The following SEMA6A variants were observed in gnomAD, a reference collection of about 807,000 sequenced individuals.
The protein encoded by SEMA6A is semaphorin-6A.
SEMA6A carries 25 observed loss-of-function variants against 96.8 expected under a neutral mutation model. That is an observed-to-expected ratio of 0.26 (90% CI 0.19 to 0.36). The LOEUF is 0.36. Among genes scored for constraint, SEMA6A ranks in the 10% least tolerant of loss-of-function variants. The pLI is 1.00. For missense variants in SEMA6A, 1,363 were observed against 1,323.1 expected (o/e 1.03, Z -0.47); for synonymous variants, 612 against 518.0 (o/e 1.18, Z -2.46).
intron 17 of SEMA6A, among the ~76,000 whole-genome samples, chr5:116,469,755 C>T (rs550794805): frequency 1.3e-5 from 2 of 152,260 alleles, no homozygotes; most frequent in South Asian, 4.1e-4. Flanking sequence ...GCCTAAGGGA[C>T]ACATTCTCTG....
chr5:116,449,567 G>T, intron 18 of SEMA6A: 1 of 522,956 alleles, frequency 1.9e-6, no homozygotes, highest in East Asian at 3.2e-5. Flanking sequence ...CTGAAGTGAT[G>T]GTTTTAAAAC....
rs148318296 is a variant in SEMA6A at position 116,477,204 on chromosome 5, C to T, written c.1649+642G>A. Among the ~76,000 whole-genome samples, 16 of 152,246 alleles carry T rather than the reference C, an allele frequency of 1.1e-4. No individual in the cohort carries two copies. In the South Asian group the frequency reaches 1.5e-3, roughly 14 times the overall value. On this transcript the variant is annotated intron_variant, in intron 15 of 18. Coordinates refer to ENST00000343348, the MANE Select transcript of SEMA6A (RefSeq NM_020796.5). ...CTGAAGTAAAAGCATAAAAAGAAAC[C>T]TCTTAGCTAATGCCATCTAAGCATT... is the stretch of plus-strand genomic sequence containing the variant.
chr5:116,483,512 C>A (rs1264759444), intron 10 of SEMA6A, among the ~76,000 whole-genome samples: 2 of 152,152 alleles, frequency 1.3e-5, no homozygotes, highest in Non-Finnish European at 2.9e-5. Flanking sequence ...CAGGGAATAT[C>A]ATCCAGAGAG....
Position 116,447,042 on chromosome 5 carries a change from C to T in SEMA6A, c.2664G>A (p.Leu888=), listed in dbSNP as rs374249232. 51 of 1,613,772 alleles carry T rather than the reference C, an allele frequency of 3.2e-5. No homozygotes were observed. The African/African-American group carries it at 5.3e-4, about 17-fold the overall frequency. Residue 888 remains leucine, a synonymous_variant, in exon 19 of 19, where the codon CTG becomes CTA. Coordinates refer to ENST00000343348, the MANE Select transcript of SEMA6A (RefSeq NM_020796.5). ...GAGACAGGGAGGCTCCCGGGGGACC[C>T]AGGGAGGCCTCCCGCTGTGGAACTT... ...PPKVPQREAS[L]GPPGASLSQT...
At chr5:116,510,897 A>C (rs948155812) in intron 1 of SEMA6A, among the ~76,000 whole-genome samples, 24 of 152,224 alleles carry the variant, frequency 1.6e-4, no homozygotes, top group South Asian at 6.2e-4. Context: ...GACTGGGTGG[A>C]AGTGGGGGTC....
Position 116,486,853 on chromosome 5 carries a change from A to G in SEMA6A, c.858T>C (p.Pro286=), listed in dbSNP as rs766081794. The G allele has an allele frequency of 1.1e-5, 18 of 1,613,866 alleles. No homozygotes were observed. In the South Asian group the frequency reaches 2.0e-4, roughly 18 times the overall value. Residue 286 remains proline, a synonymous_variant, in exon 10 of 19, where the codon CCT becomes CCC. Coordinates refer to ENST00000343348, the MANE Select transcript of SEMA6A (RefSeq NM_020796.5). ...FLKARLNCSV[P]GDSHFYFNIL... ...TGTTGAAATAAAAATGAGAGTCTCCAGGAACTGAGCAGTTCAAGCGCGCCT... is the reference window on the plus strand; with the variant it reads ...TGTTGAAATAAAAATGAGAGTCTCCGGGAACTGAGCAGTTCAAGCGCGCCT...
chr5:116,516,484 T>C (rs990206785), intron 1 of SEMA6A, among the ~76,000 whole-genome samples: 1 of 152,228 alleles, frequency 6.6e-6, no homozygotes, highest in Non-Finnish European at 1.5e-5. Flanking sequence ...TTGATAGATA[T>C]TTCAGGTTTT....
chr5:116,557,878 C>A (rs1760669022), intron 1 of SEMA6A, among the ~76,000 whole-genome samples: 2 of 152,166 alleles, frequency 1.3e-5, no homozygotes, highest in Non-Finnish European at 2.9e-5. Context: ...TAGAGGGCAG[C>A]CTCCAAGTAA....
At chr5:116,502,452 T>G in intron 2 of SEMA6A, 125 bp from the exon 3 acceptor site, 2 of 705,002 alleles carry the variant, frequency 2.8e-6, no homozygotes, top group South Asian at 1.7e-5. Flanking sequence ...GCCACCATTT[T>G]CCATTTCCAT....
chr5:116,467,498 A>G, intron 18 of SEMA6A, 85 bp downstream of exon 18: 1 of 1,403,386 alleles, frequency 7.1e-7, no homozygotes, highest in Non-Finnish European at 9.5e-7. Context: ...AAATGCTGCC[A>G]AAATTCAGCT....
chr5:116,504,364 C>G (rs920093907), intron 2 of SEMA6A, among the ~76,000 whole-genome samples: 1 of 152,170 alleles, frequency 6.6e-6, no homozygotes, highest in South Asian at 2.1e-4. Context: ...AAAATGGGTC[C>G]TCTATAAATT....
intron 1 of SEMA6A, among the ~76,000 whole-genome samples, chr5:116,569,932 A>T (rs995132385): frequency 6.6e-6 from 1 of 152,180 alleles, no homozygotes; most frequent in Non-Finnish European, 1.5e-5. Flanking sequence ...TCCAGGAGAG[A>T]GGTCTAAGCT....
chr5:116,519,638 A>T (rs142499660), intron 1 of SEMA6A, among the ~76,000 whole-genome samples: 21 of 151,804 alleles, frequency 1.4e-4, no homozygotes, highest in Non-Finnish European at 2.5e-4. Context: ...CAGACTATAC[A>T]TAAGTGGCTA....
chr5:116,559,317 G>A (rs894662830), intron 1 of SEMA6A, among the ~76,000 whole-genome samples: 1 of 152,242 alleles, frequency 6.6e-6, no homozygotes, highest in Non-Finnish European at 1.5e-5. Flanking sequence ...GGCCCAGTCC[G>A]CAAGGCCTGG....
At chr5:116,570,567 G>A (rs1761172472) in intron 1 of SEMA6A, among the ~76,000 whole-genome samples, 1 of 152,224 alleles carries the variant, frequency 6.6e-6, no homozygotes, top group Non-Finnish European at 1.5e-5. Context: ...ACAAATGGCA[G>A]ATGCTTAATT....
chr5:116,456,591 C>A (rs571688686), intron 18 of SEMA6A, among the ~76,000 whole-genome samples: 25 of 152,322 alleles, frequency 1.6e-4, no homozygotes, highest in African/African-American at 6.0e-4. Context: ...ACTGCTGAAA[C>A]AATGCTTGTG....
chr5:116,556,536 T>A lies in SEMA6A; in HGVS notation c.-39+17649A>T, dbSNP rs568264238. ...CATCAGACTCCCTTTATGAGGAAGG[T>A]ACCATTAGTATTTCCCCTTTACAGA... On this transcript the variant is annotated intron_variant, in intron 1 of 18. Transcript: ENST00000343348. 2.6e-5 allele frequency among the ~76,000 whole-genome samples: 4 copies of A among 152,332 alleles called. No homozygotes were observed. In the South Asian group the frequency reaches 8.3e-4, roughly 32 times the overall value.
Position 116,502,346 on chromosome 5 carries a change from G to A in SEMA6A, c.101-19C>T, listed in dbSNP as rs1454950248. The A allele has an allele frequency of 1.9e-6, 3 of 1,606,184 alleles. No homozygotes were observed. The highest frequency in any genetic ancestry group is 2.6e-6 in the Non-Finnish European group (3 of 1,173,170). On this transcript the variant is annotated intron_variant, in intron 2 of 18. Coordinates refer to ENST00000343348, the MANE Select transcript of SEMA6A (RefSeq NM_020796.5). The stretch of plus-strand genomic sequence containing the variant: ...TTTGTATCTGTGAAAAGAGGAGATG[G>A]GGCAAGAAAGGAAAAGCAAATCAAG...
chr5:116,521,660 A>C (rs372132599), intron 1 of SEMA6A, among the ~76,000 whole-genome samples: 1 of 152,152 alleles, frequency 6.6e-6, no homozygotes, highest in Non-Finnish European at 1.5e-5. Flanking sequence ...GAGCCAATCC[A>C]TCTGGGGAAG....
Sources: allele counts gnomAD v4.1 joint callset (sites outside exome capture counted in the v4.1 genomes callset), GRCh38; gene constraint gnomAD v4.1.1; transcripts MANE v1.5; gene names NCBI Gene and HGNC (gene_info 2026-07-23, HGNC 2026-07-21).